GTF3C1: variants seen among roughly 807,000 people sequenced by gnomAD.
GTF3C1 encodes the protein general transcription factor IIIC subunit 1, also known as general transcription factor 3C polypeptide 1.
Under a neutral mutation model 226.7 loss-of-function variants are expected in GTF3C1, and 57 were observed. The ratio of observed to expected loss-of-function variants is 0.25; its 90% CI spans 0.20 to 0.31. The LOEUF (loss-of-function observed/expected upper bound fraction) is 0.31, where lower values mean the gene tolerates loss of function less well. GTF3C1 is among the 10% of genes least tolerant of loss of function. The pLI is 1.00. For synonymous variants in GTF3C1, 1,090 were observed against 1,084.8 expected, an observed-to-expected ratio of 1.00 and a Z score of -0.09; for missense variants, 2,217 against 2,776.1, an observed-to-expected ratio of 0.80 and a Z score of 4.53.
intron 6 of GTF3C1, among the ~76,000 whole-genome samples, chr16:27,526,360 A>T (rs983386428): frequency 6.6e-6 from 1 of 152,142 alleles, no homozygotes; most frequent in African/African-American, 2.4e-5. Flanking sequence ...CAGAGCCCTC[A>T]TTTTTGGCAC....
chr16:27,479,486 A>C (rs961513236), intron 27 of GTF3C1, among the ~76,000 whole-genome samples: 1 of 152,244 alleles, frequency 6.6e-6, no homozygotes, highest in South Asian at 2.1e-4. Flanking sequence ...CTTGACTGCA[A>C]TAGTAAATTC....
intron 9 of GTF3C1, 150 bp from the exon 10 acceptor site, chr16:27,506,266 CT>C: frequency 1.7e-6 from 1 of 600,590 alleles, no homozygotes; most frequent in African/African-American, 1.9e-5. Flanking sequence ...GCTTGGGCCC[CT>C]CCTTCTGGCC....
At position 27,538,376 on chromosome 16, in the gene GTF3C1, G is replaced by C. The variant is rs1309097433; in HGVS notation, c.432-20C>G. 7 of 1,467,972 alleles carry C rather than the reference G, an allele frequency of 4.8e-6. No individual in the cohort carries two copies. Among genetic ancestry groups the C allele is most frequent in the Non-Finnish European group, 6.4e-6 (7 of 1,088,124 alleles). The allele number at this position is 1,467,972 out of a possible 1,614,324, so 90.9% of individuals were successfully genotyped here. On this transcript the variant is annotated intron_variant, in intron 2 of 36. Transcript: ENST00000356183. ...CCCCACCTGCAAATCGGAAACAATC[G>C]CATGAAGAAATAAGTTTAACTGATT... is the stretch of plus-strand genomic sequence containing the variant.
chr16:27,503,902 T>C (rs1379216555), intron 10 of GTF3C1, among the ~76,000 whole-genome samples: 2 of 152,174 alleles, frequency 1.3e-5, no homozygotes, highest in African/African-American at 2.4e-5. Flanking sequence ...TCGGTGATGG[T>C]GTCTGAACGG....
At chr16:27,489,466 A>T in intron 20 of GTF3C1, 136 bp downstream of exon 20, 1 of 662,696 alleles carries the variant, frequency 1.5e-6, no homozygotes, top group Non-Finnish European at 2.5e-6. Flanking sequence ...GTCTGGAGCC[A>T]GCCATCTGCA....
At chr16:27,537,509 A>G (rs1396943141) in intron 4 of GTF3C1, among the ~76,000 whole-genome samples, 1 of 152,174 alleles carries the variant, frequency 6.6e-6, no homozygotes, top group African/African-American at 2.4e-5. Flanking sequence ...TCCTGGGCTC[A>G]AGCGATCCTC....
intron 24 of GTF3C1, among the ~76,000 whole-genome samples, chr16:27,484,921 G>A (rs1040934652): frequency 1.3e-5 from 2 of 152,224 alleles, no homozygotes; most frequent in Non-Finnish European, 2.9e-5. Flanking sequence ...TCTGGTAAGC[G>A]GCGAGAGTCC....
At chr16:27,537,338 C>CTTATT (rs1271130721) in intron 4 of GTF3C1, among the ~76,000 whole-genome samples, 1 of 152,110 alleles carries the variant, frequency 6.6e-6, no homozygotes, top group African/African-American at 2.4e-5. Flanking sequence ...ACAAGCAGGA[C>CTTATT]TTATTTTCAC....
chr16:27,503,037 A>C (rs1470772923), intron 10 of GTF3C1, 42 bp from the exon 11 acceptor site: 1 of 1,567,824 alleles, frequency 6.4e-7, no homozygotes, highest in Admixed American at 1.7e-5. Flanking sequence ...TGGGCTCGGC[A>C]AGGCTTGGGG....
At chr16:27,545,848 G>A (rs1179646087) in intron 1 of GTF3C1, among the ~76,000 whole-genome samples, 1 of 152,086 alleles carries the variant, frequency 6.6e-6, no homozygotes, top group Non-Finnish European at 1.5e-5. Flanking sequence ...ATGATTCAAG[G>A]CTTTCCTCCG....
At position 27,489,595 on chromosome 16, in the gene GTF3C1, C is replaced by A. The variant is rs1226485715; in HGVS notation, c.3293+7G>T. 22 of 1,602,056 alleles carry A rather than the reference C, an allele frequency of 1.4e-5. No individual in the cohort carries two copies. The highest frequency in any genetic ancestry group is 1.9e-5 in the Non-Finnish European group (22 of 1,175,932). ...CCTGGCCGGCCGCGCTTGGGACGGACACGCACGTGGTGTACTCCAGCATGG... is the reference window on the plus strand; with the variant it reads ...CCTGGCCGGCCGCGCTTGGGACGGAAACGCACGTGGTGTACTCCAGCATGG... On this transcript the variant is annotated splice_region_variant and intron_variant, in intron 20 of 36. Coordinates refer to ENST00000356183, the MANE Select transcript of GTF3C1 (RefSeq NM_001520.4).
Position 27,489,170 on chromosome 16 carries a change from C to A in GTF3C1, c.3302G>T (p.Arg1101Leu). The A allele has an allele frequency of 6.2e-7, 1 of 1,614,116 alleles. No homozygotes were observed. Among genetic ancestry groups the A allele is most frequent in the Non-Finnish European group, 8.5e-7 (1 of 1,179,984 alleles). The change falls in exon 21 of 37, where the codon CGT becomes CTT. Residue 1101 changes from arginine to leucine, a missense_variant. By Grantham distance (102) the Arg-to-Leu change is moderately radical. This residue lies in a region of GTF3C1 where 353 missense variants were observed against 411.7 expected (regional missense o/e 0.86). Coordinates refer to ENST00000356183, the MANE Select transcript of GTF3C1 (RefSeq NM_001520.4). ...CAMLEYTTGS[R>L]EVVDEGLIPG... Reference sequence around the variant, plus strand: ...GATCAAGCCTTCATCCACCACCTCACGGCTTCCACTAAAAGACAGGAAATC... The same window carrying A: ...GATCAAGCCTTCATCCACCACCTCAAGGCTTCCACTAAAAGACAGGAAATC...
intron 24 of GTF3C1, 94 bp downstream of exon 24, chr16:27,485,903 G>A: frequency 1.4e-6 from 1 of 732,868 alleles, no homozygotes; most frequent in South Asian, 1.8e-5. Context: ...GCAGCTGAGA[G>A]GAGTGGTCTC....
Position 27,489,705 on chromosome 16 carries a change from T to C in GTF3C1, c.3190A>G (p.Thr1064Ala). The C allele has an allele frequency of 6.2e-7, 1 of 1,612,358 alleles. No homozygotes were observed. Among genetic ancestry groups the C allele is most frequent in the Non-Finnish European group, 8.5e-7 (1 of 1,179,788 alleles). Residue 1064 changes from threonine to alanine, a missense_variant, in exon 20 of 37, where the codon ACA (threonine) becomes GCA (alanine). Thr to Ala is a moderately conservative substitution (Grantham distance 58). This residue lies in a region of GTF3C1 where 353 missense variants were observed against 411.7 expected (regional missense o/e 0.86). Coordinates refer to ENST00000356183, the MANE Select transcript of GTF3C1 (RefSeq NM_001520.4). ...RCPRVRKNSS[T>A]DQGSDEEGSL... Reference sequence around the variant, plus strand: ...CCCTCCTCGTCGCTGCCCTGGTCTGTGCTGCTGTTCTTCCTGACGCGCGGG... The same window carrying C: ...CCCTCCTCGTCGCTGCCCTGGTCTGCGCTGCTGTTCTTCCTGACGCGCGGG...
chr16:27,475,942 G>T (rs569645628), intron 29 of GTF3C1, among the ~76,000 whole-genome samples: 1 of 152,284 alleles, frequency 6.6e-6, no homozygotes, highest in African/African-American at 2.4e-5. Flanking sequence ...AAAAACCTCA[G>T]CTCTGGGAGG....
intron 6 of GTF3C1, among the ~76,000 whole-genome samples, chr16:27,526,036 G>A (rs1180945856): frequency 6.6e-6 from 1 of 152,174 alleles, no homozygotes; most frequent in Non-Finnish European, 1.5e-5. Flanking sequence ...GAGGAGGAAG[G>A]GAGAAGTTAC....
In GTF3C1 at chr16:27,515,728, G is replaced by C. The variant is rs569976873; in HGVS notation, c.974-3827C>G. Among the ~76,000 whole-genome samples the C allele has an allele frequency of 6.9e-4, 105 of 152,272 alleles. 1 individual carries two copies. Among genetic ancestry groups the C allele is most frequent in the Admixed American group, 4.8e-3 (74 of 15,304 alleles). ...TACCAAGTATGACTCTTTGTTTTCC[G>C]ATCTGCAAAATGGGATGACAGTGTT... On this transcript the variant is annotated intron_variant, in intron 6 of 36. Coordinates refer to ENST00000356183, the MANE Select transcript of GTF3C1 (RefSeq NM_001520.4).
chr16:27,512,547 C>A (rs1450508033), intron 6 of GTF3C1, among the ~76,000 whole-genome samples: 2 of 152,292 alleles, frequency 1.3e-5, no homozygotes, highest in East Asian at 1.9e-4. Context: ...TACAAAAAAA[C>A]CAGCAATGGG....
Position 27,493,241 on chromosome 16 carries a change from C to A in GTF3C1, c.2834G>T (p.Arg945Leu). 1 of 1,611,834 alleles carries A rather than the reference C, an allele frequency of 6.2e-7. No homozygotes were observed. The highest frequency in any genetic ancestry group is 8.5e-7 in the Non-Finnish European group (1 of 1,177,934). Residue 945 changes from arginine (R) to leucine (L), a missense_variant, in exon 17 of 37, where the codon CGC (arginine) becomes CTC (leucine). Physicochemically the swap from Arg to Leu is moderately radical, Grantham distance 102. This residue lies in a region of GTF3C1 where 353 missense variants were observed against 411.7 expected (regional missense o/e 0.86). Transcript: ENST00000356183. ...CTGCCGAATGGGCCTGGGGAGAAAG[C>A]GGATCAGCGTGTGCTTCTTCAGCGG... ...NDPLKKHTLI[R>L]FLPRPIRQQL...
Sources: gnomAD v4.1 joint callset for allele counts (sites outside exome capture counted in the v4.1 genomes callset) on GRCh38, gnomAD v4.1.1 for gene constraint, gnomAD v4.1.1 regional missense constraint, MANE v1.5 for transcripts, NCBI Gene and HGNC (gene_info 2026-07-23, HGNC 2026-07-21) for gene names.